Variants in PSMA6 observed in about 807,000 individuals in gnomAD.
PSMA6 encodes the protein proteasome subunit alpha type-6.
For missense variants in PSMA6, 170 were observed against 294.8 expected, an observed-to-expected ratio of 0.58 and a Z score of 3.10; for synonymous variants, 88 against 97.7, an observed-to-expected ratio of 0.90 and a Z score of 0.59.
chr14:35,316,259 G>C (rs138709759), intron 6 of PSMA6: 1 of 151,850 alleles, frequency 6.6e-6, no homozygotes, highest in African/African-American at 2.4e-5. Flanking sequence ...GGTGGTGGAC[G>C]CCTGTAATCC....
chr14:35,309,007 G>C lies in PSMA6; in HGVS notation c.253+12G>C, dbSNP rs370698772. The C allele has an allele frequency of 2.3e-5, 36 of 1,552,968 alleles. No individual in the cohort carries two copies. The East Asian group carries it at 2.7e-4, about 12-fold the overall frequency. The stretch of plus-strand genomic sequence containing the variant: ...GACCGGAATGACAGGTAATTAATCT[G>C]TAGATATACAAGACATCTGTAGATA... On this transcript the variant is annotated intron_variant, in intron 3 of 6. Coordinates refer to ENST00000261479, the MANE Select transcript of PSMA6 (RefSeq NM_002791.3).
At chr14:35,289,448 A>G (rs893094816), upstream of PSMA6, among the ~76,000 whole-genome samples, 5 of 151,614 alleles carry the variant, frequency 3.3e-5, no homozygotes, top group Admixed American at 6.6e-5. Context: ...TCCTGCCTCA[A>G]CCTCTCCCGA....
In PSMA6 at chr14:35,308,994, A is replaced by G. The variant is rs781002429; in HGVS notation, c.252A>G (p.Thr84=). 1.3e-6 allele frequency: 2 copies of G among 1,591,788 alleles called. No individual in the cohort carries two copies. Among genetic ancestry groups the G allele is most frequent in the African/African-American group, 1.3e-5 (1 of 74,430 alleles). Residue 84 remains threonine (T), a splice_region_variant and synonymous_variant, in exon 3 of 7, where the codon ACA becomes ACG. Coordinates refer to ENST00000261479, the MANE Select transcript of PSMA6 (RefSeq NM_002791.3). ...TTGGTTGTGTGATGACCGGAATGACAGGTAATTAATCTGTAGATATACAAG... is the reference window on the plus strand; with the variant it reads ...TTGGTTGTGTGATGACCGGAATGACGGGTAATTAATCTGTAGATATACAAG... ...ENIGCVMTGM[T]ADSRSQVQRA... is the part of the protein sequence containing the mutation.
intron 1 of PSMA6, among the ~76,000 whole-genome samples, chr14:35,294,434 T>G (rs1164187118): frequency 6.6e-6 from 1 of 152,234 alleles, no homozygotes; most frequent in Admixed American, 6.5e-5. Flanking sequence ...AAGAGTAGTA[T>G]GAGCAAGCAG....
chr14:35,288,264 G>A (rs1264194133), upstream of PSMA6, among the ~76,000 whole-genome samples: 2 of 152,120 alleles, frequency 1.3e-5, no homozygotes, highest in African/African-American at 2.4e-5. Context: ...TTGGGAGGCC[G>A]AGGTAGGCGG....
intron 1 of PSMA6, among the ~76,000 whole-genome samples, chr14:35,302,036 C>G (rs1488534314): frequency 1.3e-5 from 2 of 151,070 alleles, no homozygotes; most frequent in Non-Finnish European, 2.9e-5. Context: ...TCAAGTGTTA[C>G]TAGAATTTTT....
chr14:35,316,082 C>T (rs1163836252), intron 6 of PSMA6: 1 of 152,140 alleles, frequency 6.6e-6, no homozygotes, highest in Non-Finnish European at 1.5e-5. Context: ...AGGCAAACAT[C>T]ATTTAGAAAA....
intron 1 of PSMA6, chr14:35,293,254 T>C (rs558905201): frequency 3.1e-6 from 1 of 327,676 alleles, no homozygotes; most frequent in African/African-American, 2.2e-5. Flanking sequence ...GTAATTTAAA[T>C]GCCGATTCTG....
intron 1 of PSMA6, among the ~76,000 whole-genome samples, chr14:35,293,822 C>G (rs570036381): frequency 6.6e-6 from 1 of 152,224 alleles, no homozygotes; most frequent in Admixed American, 6.5e-5. Context: ...TTCAGCGTTC[C>G]ATTCGTGATT....
At chr14:35,292,246 G>A (rs2051494921), upstream of PSMA6, 1 of 1,303,480 alleles carries the variant, frequency 7.7e-7, no homozygotes, top group Non-Finnish European at 9.9e-7. Flanking sequence ...GCTTGGCGCA[G>A]GCGCATACCT....
Position 35,298,462 on chromosome 14 carries a change from C to T in PSMA6, c.76+5910C>T, listed in dbSNP as rs896434390. Among the ~76,000 whole-genome samples, 6 of 151,482 alleles carry T rather than the reference C, an allele frequency of 4.0e-5. No individual in the cohort carries two copies. The East Asian group carries it at 1.2e-3, about 29-fold the overall frequency. ...CTGAGATCGCACTGCTGCACTCTAG[C>T]CTGGGCAACAAAGTGAGACTCCATC... On this transcript the variant is annotated intron_variant, in intron 1 of 6. Transcript: ENST00000261479.
chr14:35,289,215 A>G (rs1016592327), upstream of PSMA6, among the ~76,000 whole-genome samples: 1 of 152,232 alleles, frequency 6.6e-6, no homozygotes, highest in Non-Finnish European at 1.5e-5. Context: ...CACTTAATAT[A>G]TGCTGGTTAT....
At chr14:35,285,349 A>AAAAAAC (rs1169518343) in intron 1 of PSMA6, among the ~76,000 whole-genome samples, 1 of 35,140 alleles carries the variant, frequency 2.8e-5, no homozygotes, top group East Asian at 2.2e-3. Context: ...CAAAAAAAAC[A>AAAAAAC]AAAAACAAAA....
chr14:35,285,348 C>CAA lies in PSMA6; in HGVS notation c.19+6635_19+6636dup, dbSNP rs1359907797. On this transcript the variant is annotated intron_variant, in intron 1 of 6. Coordinates refer to the PSMA6 transcript ENST00000540871. ...GAGCAAAACTCTATCTCAAAAAAAA[C>CAA]AAAAAACAAAAAAAAAAACCGTAGC... Among the ~76,000 whole-genome samples the CAA allele has an allele frequency of 3.0e-3, 144 of 47,314 alleles. No homozygotes were observed. In the East Asian group the frequency reaches 0.11, roughly 37 times the overall value. 31.0% of individuals were successfully genotyped at this position (47,314 alleles called of 152,430 possible).
At chr14:35,290,047 C>G (rs1375587975), upstream of PSMA6, among the ~76,000 whole-genome samples, 3 of 151,668 alleles carry the variant, frequency 2.0e-5, no homozygotes, top group Non-Finnish European at 4.4e-5. Flanking sequence ...GTACAAGGGG[C>G]AGGAATTCGC....
chr14:35,304,264 C>A (rs931645969), intron 1 of PSMA6, among the ~76,000 whole-genome samples: 1 of 152,078 alleles, frequency 6.6e-6, no homozygotes, highest in Non-Finnish European at 1.5e-5. Context: ...TCAGCCACCA[C>A]GCCTGGCCAA....
intron 1 of PSMA6, among the ~76,000 whole-genome samples, chr14:35,300,256 G>A (rs755890652): frequency 6.6e-6 from 1 of 152,058 alleles, no homozygotes; most frequent in Admixed American, 6.6e-5. Flanking sequence ...ATTGCTTGAG[G>A]CCAGGAGTTC....
chr14:35,286,433 G>A (rs565073904), intron 1 of PSMA6, among the ~76,000 whole-genome samples: 1 of 152,300 alleles, frequency 6.6e-6, no homozygotes, highest in African/African-American at 2.4e-5. Context: ...AGTATTGTGG[G>A]GAGACCCATG....
At chr14:35,310,665 C>T (rs926175099) in intron 3 of PSMA6, 75 bp from the exon 4 acceptor site, 1 of 1,501,928 alleles carries the variant, frequency 6.7e-7, no homozygotes, top group African/African-American at 1.4e-5. Flanking sequence ...GGGAAAATTG[C>T]CTGGCTAAAT....
Sources: allele counts gnomAD v4.1 joint callset (sites outside exome capture counted in the v4.1 genomes callset), GRCh38; gene constraint gnomAD v4.1.1; transcripts MANE v1.5; gene names NCBI Gene and HGNC (gene_info 2026-07-23, HGNC 2026-07-21).